FLI1: variants seen among roughly 807,000 people sequenced by gnomAD.
FLI1 encodes Friend leukemia integration 1 transcription factor.
In FLI1, 13 loss-of-function variants were observed where a neutral mutation model predicts 53.1. The observed-to-expected ratio is 0.24, with a 90% confidence interval of 0.16 to 0.39. The LOEUF is 0.39. Among genes scored for constraint, FLI1 ranks in the 10% least tolerant of loss-of-function variants. FLI1 has a pLI of 1.00. For missense variants in FLI1, 424 were observed against 600.5 expected (o/e 0.71, Z 3.07); for synonymous variants, 244 against 236.7 (o/e 1.03, Z -0.28).
chr11:128,802,147 G>A (rs917990320), intron 5 of FLI1, among the ~76,000 whole-genome samples: 5 of 152,202 alleles, frequency 3.3e-5, no homozygotes, highest in African/African-American at 1.2e-4. Context: ...CATTTACTCT[G>A]CAAGGCTGGC....
In FLI1 at chr11:128,762,107, C is replaced by T. The variant is rs1047550529; in HGVS notation, c.230+3781C>T. On this transcript the variant is annotated intron_variant, in intron 2 of 8. Transcript: ENST00000527786. ...AAAATGTCATTGCTTACAGTGGAACCATGTCAGACCCTATCATTTAATTAT... is the reference window on the plus strand; with the variant it reads ...AAAATGTCATTGCTTACAGTGGAACTATGTCAGACCCTATCATTTAATTAT... Among the ~76,000 whole-genome samples, 4 of 152,274 alleles carry T rather than the reference C, an allele frequency of 2.6e-5. No homozygotes were observed. The South Asian group carries it at 8.3e-4, about 32-fold the overall frequency.
upstream of FLI1, chr11:128,686,056 C>A (rs1459541763): frequency 1.6e-5 from 5 of 308,376 alleles, no homozygotes; most frequent in South Asian, 2.7e-5. Flanking sequence ...ACCTCCCTAA[C>A]CTTGCGTTAG....
chr11:128,687,682 G>A (rs1937603574), intron 1 of FLI1, among the ~76,000 whole-genome samples: 1 of 152,144 alleles, frequency 6.6e-6, no homozygotes, highest in African/African-American at 2.4e-5. Context: ...TGTGTGATGG[G>A]ATGCAGACTC....
intron 5 of FLI1, among the ~76,000 whole-genome samples, chr11:128,789,646 G>A (rs563533855): frequency 7.9e-5 from 12 of 152,290 alleles, no homozygotes; most frequent in South Asian, 6.2e-4. Flanking sequence ...AGGCTGATGC[G>A]CTCCCGGGTG....
At chr11:128,719,337 ACT>A (rs555201631) in intron 1 of FLI1, among the ~76,000 whole-genome samples, 146 of 136,318 alleles carry the variant, frequency 1.1e-3, no homozygotes, top group African/African-American at 3.9e-3. Context: ...GTGTGTGTGT[ACT>A]CTTTCTCCCC....
intron 2 of FLI1, among the ~76,000 whole-genome samples, chr11:128,761,621 T>C (rs1354786161): frequency 2.0e-5 from 3 of 152,170 alleles, no homozygotes; most frequent in Non-Finnish European, 2.9e-5. Context: ...TTTGTGTCTC[T>C]GGTGGGAAGG....
intron 2 of FLI1, among the ~76,000 whole-genome samples, chr11:128,764,239 C>T (rs568844702): frequency 6.6e-6 from 1 of 152,328 alleles, no homozygotes; most frequent in South Asian, 2.1e-4. Flanking sequence ...AGATCTTACA[C>T]CTTGTTTTAA....
chr11:128,706,857 GGAA>G (rs1035831446), intron 1 of FLI1, among the ~76,000 whole-genome samples: 3 of 152,174 alleles, frequency 2.0e-5, no homozygotes, highest in Non-Finnish European at 4.4e-5. Flanking sequence ...TTGCTGATTT[GGAA>G]GAGGGTAAAC....
chr11:128,782,175 C>G (rs890950618), intron 5 of FLI1, among the ~76,000 whole-genome samples, 152 bp downstream of exon 5: 4 of 152,108 alleles, frequency 2.6e-5, no homozygotes, highest in African/African-American at 9.7e-5. Context: ...GCCACTTGTG[C>G]TACCAGTTGC....
At chr11:128,761,695 A>T (rs934254508) in intron 2 of FLI1, among the ~76,000 whole-genome samples, 29 of 152,174 alleles carry the variant, frequency 1.9e-4, no homozygotes, top group African/African-American at 7.0e-4. Context: ...CAGGATACTG[A>T]TCCTGTGCAA....
upstream of FLI1, chr11:128,693,760 C>T (rs1282581629): frequency 4.3e-6 from 1 of 233,188 alleles, no homozygotes; most frequent in African/African-American, 2.2e-5. Context: ...CCGGCTAGCT[C>T]TTATCTCCCA....
chr11:128,807,588 G>A (rs1214914014), intron 7 of FLI1, among the ~76,000 whole-genome samples: 2 of 152,154 alleles, frequency 1.3e-5, no homozygotes, highest in African/African-American at 4.8e-5. Context: ...CCAAATTCCT[G>A]TCCAAGCCTT....
chr11:128,795,550 T>C (rs1217041027), intron 5 of FLI1, among the ~76,000 whole-genome samples: 3 of 134,716 alleles, frequency 2.2e-5, no homozygotes, highest in African/African-American at 5.6e-5. Context: ...CGTTAGAATA[T>C]AGAAAGCAAT....
intron 5 of FLI1, among the ~76,000 whole-genome samples, chr11:128,798,230 A>C (rs890302867): frequency 6.6e-6 from 1 of 152,200 alleles, no homozygotes; most frequent in Non-Finnish European, 1.5e-5. Flanking sequence ...AAGTTTTGGC[A>C]AACACCCAGT....
chr11:128,725,506 C>G (rs577288242), intron 1 of FLI1, among the ~76,000 whole-genome samples: 1 of 152,202 alleles, frequency 6.6e-6, no homozygotes, highest in African/African-American at 2.4e-5. Context: ...CTCAAGTGCC[C>G]GCAAATGCCC....
At chr11:128,795,829 C>T (rs529937389) in intron 5 of FLI1, among the ~76,000 whole-genome samples, 2 of 152,304 alleles carry the variant, frequency 1.3e-5, no homozygotes, top group African/African-American at 2.4e-5. Flanking sequence ...GGATTACAGG[C>T]GTGAGCCACT....
At chr11:128,686,577 G>C (rs1482542832) in exon 1 of FLI1, 1 of 426,418 alleles carries the variant, frequency 2.3e-6, no homozygotes. Flanking sequence ...CCATCCCACC[G>C]TCTCTCCCTC....
At chr11:128,798,722 A>G (rs1204615531) in intron 5 of FLI1, among the ~76,000 whole-genome samples, 1 of 152,166 alleles carries the variant, frequency 6.6e-6, no homozygotes, top group Non-Finnish European at 1.5e-5. Flanking sequence ...GTGGATGCCA[A>G]GCTCCTCTGT....
At chr11:128,687,801 A>T (rs1937604859) in intron 1 of FLI1, among the ~76,000 whole-genome samples, 1 of 152,172 alleles carries the variant, frequency 6.6e-6, no homozygotes, top group Admixed American at 6.5e-5. Context: ...GTCACTCGTC[A>T]TTTCAGGAAG....
Sources: allele counts gnomAD v4.1 joint callset (sites outside exome capture counted in the v4.1 genomes callset), GRCh38; gene constraint gnomAD v4.1.1; transcripts MANE v1.5; gene names NCBI Gene and HGNC (gene_info 2026-07-23, HGNC 2026-07-21).